KCNQ1OT1: variants seen among roughly 807,000 people sequenced by gnomAD.
The protein encoded by KCNQ1OT1 is KCNQ1 antisense RNA 2 (non-protein coding).
chr11:2,695,207 G>T lies in KCNQ1OT1; in HGVS notation n.4788C>A, dbSNP rs1191286267. 6 of 398,522 alleles carry T rather than the reference G, an allele frequency of 1.5e-5. No homozygotes were observed. Among genetic ancestry groups the T allele is most frequent in the Non-Finnish European group, 2.7e-5 (6 of 226,112 alleles). 24.7% of individuals were successfully genotyped at this position (398,522 alleles called of 1,614,324 possible). A position where few individuals can be genotyped will look rare whatever the true frequency, so the allele number is the denominator to read the frequency against. ...TCAGCCTATGAAACACTGTCACCCT[G>T]TAAGGGTCTGCATAAAGTCACCGCT... On this transcript the variant is annotated non_coding_transcript_exon_variant, in exon 1 of 1. Coordinates refer to ENST00000597346, the Ensembl canonical transcript of KCNQ1OT1. The surrounding 1 kb of genome is among the most constrained non-coding windows in gnomAD (Gnocchi z 5.2).
rs1455015338 is a variant in KCNQ1OT1 at position 2,683,782 on chromosome 11, C to T, written n.16213G>A. On this transcript the variant is annotated non_coding_transcript_exon_variant, in exon 1 of 1. Transcript: ENST00000597346. This position sits in a 1 kb window ranked among gnomAD's most constrained non-coding sequence, Gnocchi z 4.7. Reference sequence around the variant, plus strand: ...ACATGGGCCTCTAAGGCTGGCTGCTCTTACTCTATACCCCAAAATCCCAGC... The same window carrying T: ...ACATGGGCCTCTAAGGCTGGCTGCTTTTACTCTATACCCCAAAATCCCAGC... 3 of 398,480 alleles carry T rather than the reference C, an allele frequency of 7.5e-6. No individual in the cohort carries two copies. Among genetic ancestry groups the T allele is most frequent in the African/African-American group, 6.2e-5 (3 of 48,622 alleles). 24.7% of individuals were successfully genotyped at this position (398,480 alleles called of 1,614,324 possible).
Position 2,677,518 on chromosome 11 carries a change from C to T in KCNQ1OT1, n.22477G>A, listed in dbSNP as rs1241124105. ...AATGATCCTCTCTGTGGAAGTGCTGCCAACATCCTCTGCCAAGTATAAAAG... is the reference window on the plus strand; with the variant it reads ...AATGATCCTCTCTGTGGAAGTGCTGTCAACATCCTCTGCCAAGTATAAAAG... On this transcript the variant is annotated non_coding_transcript_exon_variant, in exon 1 of 1. Coordinates refer to ENST00000597346, the Ensembl canonical transcript of KCNQ1OT1. The surrounding 1 kb of genome is among the most constrained non-coding windows in gnomAD (Gnocchi z 4.5). 10 of 398,402 alleles carry T rather than the reference C, an allele frequency of 2.5e-5. No individual in the cohort carries two copies. The highest frequency in any genetic ancestry group is 2.2e-4 in the Admixed American group (5 of 22,710). 24.7% of individuals were successfully genotyped at this position (398,402 alleles called of 1,614,324 possible).
exon 1 of KCNQ1OT1, chr11:2,635,665 G>T (rs1185200126): frequency 1.3e-5 from 2 of 152,130 alleles, no homozygotes. Context: ...GGCAATGCGG[G>T]CTCTTTTTTG....
In KCNQ1OT1 at chr11:2,657,728, T is replaced by A. The variant is rs1849875337; in HGVS notation, n.42267A>T. ...GGATCGATCATTACATTTATTGTCA[T>A]CTCTGATCGGTGACGGGCTTCTCAG... On this transcript the variant is annotated non_coding_transcript_exon_variant, in exon 1 of 1. Transcript: ENST00000597346. The surrounding 1 kb of genome is among the most constrained non-coding windows in gnomAD (Gnocchi z 4.8). 5.0e-6 allele frequency: 2 copies of A among 398,534 alleles called. No homozygotes were observed. The highest frequency in any genetic ancestry group is 8.8e-6 in the Non-Finnish European group (2 of 226,074). 24.7% of individuals were successfully genotyped at this position (398,534 alleles called of 1,614,324 possible). A position where few individuals can be genotyped will look rare whatever the true frequency, so the allele number is the denominator to read the frequency against.
Position 2,698,206 on chromosome 11 carries a change from C to A in KCNQ1OT1, n.1789G>T. On this transcript the variant is annotated non_coding_transcript_exon_variant, in exon 1 of 1. Coordinates refer to ENST00000597346, the Ensembl canonical transcript of KCNQ1OT1. This position sits in a 1 kb window ranked among gnomAD's most constrained non-coding sequence, Gnocchi z 5.1. ...AAGGGGCACCACAGTAAAGAAAGAA[C>A]TGGTAAATGCACATCAAATGTGGAT... 2.5e-6 allele frequency: 1 copy of A among 398,626 alleles called. No individual in the cohort carries two copies. The highest frequency in any genetic ancestry group is 4.4e-6 in the Non-Finnish European group (1 of 226,070). The allele number at this position is 398,626 out of a possible 1,614,324, so 24.7% of individuals were successfully genotyped here. A position where few individuals can be genotyped will look rare whatever the true frequency, so the allele number is the denominator to read the frequency against.
chr11:2,658,737 A>G lies in KCNQ1OT1; in HGVS notation n.41258T>C, dbSNP rs929063661. The G allele has an allele frequency of 5.0e-6, 2 of 398,448 alleles. No individual in the cohort carries two copies. The highest frequency in any genetic ancestry group is 4.4e-6 in the Non-Finnish European group (1 of 226,062). The allele number at this position is 398,448 out of a possible 1,614,324, so 24.7% of individuals were successfully genotyped here. A position where few individuals can be genotyped will look rare whatever the true frequency, so the allele number is the denominator to read the frequency against. ...TACACATACATCTTTACATATCTGT[A>G]TCTATATAAAGCTAACCATGAGTTC... On this transcript the variant is annotated non_coding_transcript_exon_variant, in exon 1 of 1. Coordinates refer to ENST00000597346, the Ensembl canonical transcript of KCNQ1OT1. This position sits in a 1 kb window ranked among gnomAD's most constrained non-coding sequence, Gnocchi z 4.9.
chr11:2,684,110 T>C (rs981792471), exon 1 of KCNQ1OT1: 1 of 398,486 alleles, frequency 2.5e-6, no homozygotes, highest in Admixed American at 4.4e-5. Context: ...CCCTTTCACA[T>C]AGATTCTTAA....
Position 2,692,777 on chromosome 11 carries a change from G to A in KCNQ1OT1, n.7218C>T, listed in dbSNP as rs374627721. 11 of 398,686 alleles carry A rather than the reference G, an allele frequency of 2.8e-5. No individual in the cohort carries two copies. The South Asian group carries it at 8.9e-4, about 32-fold the overall frequency. 24.7% of individuals were successfully genotyped at this position (398,686 alleles called of 1,614,324 possible). On this transcript the variant is annotated non_coding_transcript_exon_variant, in exon 1 of 1. Transcript: ENST00000597346. ...GGCCAGGGTCTAGTACCTGCTGAGT[G>A]TTTGACAAATATTTCTTGAATGACT...
At position 2,690,680 on chromosome 11, in the gene KCNQ1OT1, G is replaced by A. The variant is rs1850573933; in HGVS notation, n.9315C>T. Reference sequence around the variant, plus strand: ...GTGTGTCAGTGCACATAGGTATAGGGGCTGTCTCTCAGAATTCCTGAGGGC... The same window carrying A: ...GTGTGTCAGTGCACATAGGTATAGGAGCTGTCTCTCAGAATTCCTGAGGGC... On this transcript the variant is annotated non_coding_transcript_exon_variant, in exon 1 of 1. Transcript: ENST00000597346. The surrounding 1 kb of genome is among the most constrained non-coding windows in gnomAD (Gnocchi z 5.1). The A allele has an allele frequency of 2.5e-6, 1 of 398,644 alleles. No individual in the cohort carries two copies. The highest frequency in any genetic ancestry group is 4.4e-6 in the Non-Finnish European group (1 of 226,088). The allele number at this position is 398,644 out of a possible 1,614,324, so 24.7% of individuals were successfully genotyped here.
At chr11:2,643,285 G>C in exon 1 of KCNQ1OT1, 1 of 398,356 alleles carries the variant, frequency 2.5e-6, no homozygotes. Context: ...TTATTGTGTT[G>C]AAGTCTACCT....
rs1243889537 is a variant in KCNQ1OT1, at chr11:2,645,925, G to A, written n.54070C>T. On this transcript the variant is annotated non_coding_transcript_exon_variant, in exon 1 of 1. Transcript: ENST00000597346. This position sits in a 1 kb window ranked among gnomAD's most constrained non-coding sequence, Gnocchi z 5.8. ...ATTGCCATTTCACAGTCTGTAGGTAGCCTCTTGTTAGTCTCAAGGCATCTA... is the reference window on the plus strand; with the variant it reads ...ATTGCCATTTCACAGTCTGTAGGTAACCTCTTGTTAGTCTCAAGGCATCTA... The A allele has an allele frequency of 2.5e-6, 1 of 398,472 alleles. No individual in the cohort carries two copies. Among genetic ancestry groups the A allele is most frequent in the Non-Finnish European group, 4.4e-6 (1 of 226,084 alleles). The allele number at this position is 398,472 out of a possible 1,614,324, so 24.7% of individuals were successfully genotyped here. A position where few individuals can be genotyped will look rare whatever the true frequency, so the allele number is the denominator to read the frequency against.
Position 2,611,446 on chromosome 11 carries a change from G to A in KCNQ1OT1, n.88549C>T, listed in dbSNP as rs1014074080. The A allele has an allele frequency of 1.5e-5, 6 of 397,450 alleles. No homozygotes were observed. The highest frequency in any genetic ancestry group is 3.6e-5 in the East Asian group (1 of 28,070). The allele number at this position is 397,450 out of a possible 1,614,324, so 24.6% of individuals were successfully genotyped here. Reference sequence around the variant, plus strand: ...AGGCTGGTCTTGAACTCCTGACCTCGAGTGATCTGTCTGCCTCAGCCTCCC... The same window carrying A: ...AGGCTGGTCTTGAACTCCTGACCTCAAGTGATCTGTCTGCCTCAGCCTCCC... On this transcript the variant is annotated non_coding_transcript_exon_variant, in exon 1 of 1. Transcript: ENST00000597346. The surrounding 1 kb of genome is among the most constrained non-coding windows in gnomAD (Gnocchi z 5.3).
chr11:2,665,682 G>T (rs1295905292), exon 1 of KCNQ1OT1: 3 of 397,974 alleles, frequency 7.5e-6, no homozygotes, highest in Non-Finnish European at 1.3e-5. Flanking sequence ...TTCGAATGGT[G>T]CCAGGAGGGA....
chr11:2,609,753 C>T, exon 1 of KCNQ1OT1: 2 of 398,210 alleles, frequency 5.0e-6, no homozygotes, highest in Non-Finnish European at 4.4e-6. Context: ...CATGAATTGA[C>T]ATTTTATCAT....
In KCNQ1OT1 at chr11:2,654,530, G is replaced by A. The variant is rs1849807620; in HGVS notation, n.45465C>T. 2.5e-6 allele frequency: 1 copy of A among 398,682 alleles called. No homozygotes were observed. The highest frequency in any genetic ancestry group is 4.4e-6 in the Non-Finnish European group (1 of 226,248). 24.7% of individuals were successfully genotyped at this position (398,682 alleles called of 1,614,324 possible). ...GAGCCCTGGAAAGCTTGTGGAAGAG[G>A]GCTTGGGTTACACCTGGGAGATTAG... is the stretch of plus-strand genomic sequence containing the variant. On this transcript the variant is annotated non_coding_transcript_exon_variant, in exon 1 of 1. Transcript: ENST00000597346. This position sits in a 1 kb window ranked among gnomAD's most constrained non-coding sequence, Gnocchi z 6.4.
Position 2,661,860 on chromosome 11 carries a change from C to T in KCNQ1OT1, n.38135G>A. On this transcript the variant is annotated non_coding_transcript_exon_variant, in exon 1 of 1. Coordinates refer to ENST00000597346, the Ensembl canonical transcript of KCNQ1OT1. This position sits in a 1 kb window ranked among gnomAD's most constrained non-coding sequence, Gnocchi z 5.9. ...CAGGGCTGGAGCTTCCAGGCACAAG[C>T]TCCACTCCTCACCTGGCCCTGGGAG... is the stretch of plus-strand genomic sequence containing the variant. 1 of 1,472,742 alleles carries T rather than the reference C, an allele frequency of 6.8e-7. No individual in the cohort carries two copies. The allele number at this position is 1,472,742 out of a possible 1,614,324, so 91.2% of individuals were successfully genotyped here.
chr11:2,630,538 C>G, exon 1 of KCNQ1OT1: 1 of 398,158 alleles, frequency 2.5e-6, no homozygotes, highest in Non-Finnish European at 4.4e-6. Flanking sequence ...TATTGCATAT[C>G]CATTGAGAAA....
At chr11:2,609,644 G>T in exon 1 of KCNQ1OT1, 1 of 398,250 alleles carries the variant, frequency 2.5e-6, no homozygotes, top group South Asian at 1.3e-4. Context: ...TACTATTGTT[G>T]AATTGGCTAT....
chr11:2,680,608 G>A (rs944803208), exon 1 of KCNQ1OT1: 25 of 398,282 alleles, frequency 6.3e-5, no homozygotes, highest in African/African-American at 4.1e-4. Context: ...GTAACATCTT[G>A]CAAAACTGTA....
Sources: gnomAD v4.1 joint callset for allele counts on GRCh38, gnomAD v4.1.1 for gene constraint, Gnocchi (gnomAD v3.1) non-coding constraint, MANE v1.5 for transcripts, NCBI Gene and HGNC (gene_info 2026-07-23, HGNC 2026-07-21) for gene names.